The following CAV1 variants were observed in gnomAD, a reference collection of about 807,000 sequenced individuals.
CAV1 encodes the protein caveolin 1, also known as caveolin-1.
Under a neutral mutation model 16.5 loss-of-function variants are expected in CAV1, and 10 were observed. That is an observed-to-expected ratio of 0.61 (90% CI 0.37 to 1.03). The LOEUF (loss-of-function observed/expected upper bound fraction) is 1.03, where lower values mean the gene tolerates loss of function less well. Among genes scored for constraint, CAV1 ranks in the 50% least tolerant of loss-of-function variants. The probability of loss-of-function intolerance (pLI) is 0.01; values close to 1 mark genes in which losing one functional copy is unlikely to be tolerated. For synonymous variants in CAV1, 76 were observed against 85.1 expected, an observed-to-expected ratio of 0.89 and a Z score of 0.59; for missense variants, 212 against 232.8, an observed-to-expected ratio of 0.91 and a Z score of 0.58.
At chr7:116,546,130 C>T (rs1351775597) in intron 2 of CAV1, among the ~76,000 whole-genome samples, 3 of 152,152 alleles carry the variant, frequency 2.0e-5, no homozygotes, top group African/African-American at 4.8e-5. Flanking sequence ...CTTCTGTGGC[C>T]TATTTTTATA....
intron 1 of CAV1, 95 bp from the exon 2 acceptor site, chr7:116,526,430 C>A: frequency 6.3e-7 from 1 of 1,591,898 alleles, no homozygotes; most frequent in South Asian, 1.1e-5. Flanking sequence ...CGCCGCCAGG[C>A]TGACTTCTCA....
chr7:116,534,861 A>G (rs896284094), intron 2 of CAV1, among the ~76,000 whole-genome samples: 14 of 152,294 alleles, frequency 9.2e-5, no homozygotes, highest in African/African-American at 3.1e-4. Flanking sequence ...ATTCTACCTG[A>G]AGAGAGCAAA....
chr7:116,542,117 T>C (rs1420345720), intron 2 of CAV1, among the ~76,000 whole-genome samples: 1 of 152,214 alleles, frequency 6.6e-6, no homozygotes, highest in Non-Finnish European at 1.5e-5. Context: ...AAGGCATGCA[T>C]TGTATATACC....
chr7:116,536,066 G>T (rs980691665), intron 2 of CAV1, among the ~76,000 whole-genome samples: 12 of 152,060 alleles, frequency 7.9e-5, no homozygotes, highest in Non-Finnish European at 1.8e-4. Flanking sequence ...TATGGCAGTG[G>T]GTCATCTCAT....
At chr7:116,536,296 G>GACA (rs879575363) in intron 2 of CAV1, among the ~76,000 whole-genome samples, 5,165 of 152,218 alleles carry the variant, frequency 0.034, 294 homozygotes, top group African/African-American at 0.12. Flanking sequence ...CCATTTATGT[G>GACA]CATGGTGCTT....
intron 2 of CAV1, among the ~76,000 whole-genome samples, chr7:116,550,143 G>A (rs920984630): frequency 6.6e-6 from 1 of 152,116 alleles, no homozygotes; most frequent in African/African-American, 2.4e-5. Context: ...TAGGTTCCAA[G>A]CTGGATGCTC....
intron 2 of CAV1, among the ~76,000 whole-genome samples, chr7:116,543,385 T>C (rs1418515931): frequency 6.6e-6 from 1 of 152,202 alleles, no homozygotes; most frequent in African/African-American, 2.4e-5. Context: ...TAAATCATCT[T>C]TGAAATACTG....
Position 116,559,320 on chromosome 7 carries a change from T to C in CAV1, c.*33T>C. ...TTCAAGGATAGAAGTATACCTGATT[T>C]TTTTTCCTTTTAATTTTCCTGGTGC... On this transcript the variant is annotated 3_prime_UTR_variant, in exon 3 of 3. Transcript: ENST00000341049. 6.5e-7 allele frequency: 1 copy of C among 1,547,548 alleles called. No individual in the cohort carries two copies. Among genetic ancestry groups the C allele is most frequent in the Non-Finnish European group, 8.9e-7 (1 of 1,122,098 alleles).
chr7:116,559,611 G>C lies in CAV1; in HGVS notation c.*324G>C. 2.2e-6 allele frequency: 1 copy of C among 460,620 alleles called. No individual in the cohort carries two copies. Among genetic ancestry groups the C allele is most frequent in the Middle Eastern group, 5.6e-4 (1 of 1,792 alleles). 28.5% of individuals were successfully genotyped at this position (460,620 alleles called of 1,614,324 possible). A position where few individuals can be genotyped will look rare whatever the true frequency, so the allele number is the denominator to read the frequency against. ...TTTGAGAGAAATATGAAGAACTGAG[G>C]AGGAAAAAAAAAAAAAAGAAAAGAA... On this transcript the variant is annotated 3_prime_UTR_variant, in exon 3 of 3. Coordinates refer to ENST00000341049, the MANE Select transcript of CAV1 (RefSeq NM_001753.5).
At chr7:116,554,405 A>T (rs1180331494) in intron 2 of CAV1, among the ~76,000 whole-genome samples, 1 of 152,226 alleles carries the variant, frequency 6.6e-6, no homozygotes, top group African/African-American at 2.4e-5. Flanking sequence ...GCAATGAGAG[A>T]TTTAAAGGAG....
chr7:116,558,986 A>G lies in CAV1; in HGVS notation c.236A>G (p.His79Arg), dbSNP rs376004565. ...GTGATTGCAGAACCAGAAGGGACAC[A>G]CAGTTTTGACGGCATTTGGAAGGCC... ...EDVIAEPEGT[H>R]SFDGIWKASF... Residue 79 changes from histidine to arginine, a missense_variant, in exon 3 of 3, where the codon CAC becomes CGC. Physicochemically the swap from His to Arg is conservative, Grantham distance 29. Coordinates refer to ENST00000341049, the MANE Select transcript of CAV1 (RefSeq NM_001753.5). 2.2e-5 allele frequency: 36 copies of G among 1,613,750 alleles called. No homozygotes were observed. The African/African-American group carries it at 3.7e-4, about 17-fold the overall frequency.
chr7:116,546,054 C>T (rs898818249), intron 2 of CAV1, among the ~76,000 whole-genome samples: 2 of 152,146 alleles, frequency 1.3e-5, no homozygotes, highest in African/African-American at 4.8e-5. Flanking sequence ...ATGAGTGCCC[C>T]GAGTTATCCC....
chr7:116,542,365 A>G (rs10240619), intron 2 of CAV1, among the ~76,000 whole-genome samples: 5,125 of 152,270 alleles, frequency 0.034, 288 homozygotes, highest in African/African-American at 0.11. Flanking sequence ...CCCCAACCCT[A>G]GAAATTCTGA....
At chr7:116,545,203 G>A (rs1473550465) in intron 2 of CAV1, among the ~76,000 whole-genome samples, 3 of 152,156 alleles carry the variant, frequency 2.0e-5, no homozygotes, top group Admixed American at 1.3e-4. Context: ...TAGTTGTCAC[G>A]ATTTGGGGGA....
chr7:116,531,968 A>G lies in CAV1; in HGVS notation c.195+5279A>G, dbSNP rs556237409. On this transcript the variant is annotated intron_variant, in intron 2 of 2. Coordinates refer to ENST00000341049, the MANE Select transcript of CAV1 (RefSeq NM_001753.5). ...GCAGCTATTATTCATTCTTAAGCAT[A>G]TGAAATGCTTTCAGGTTCAACCCAA... Among the ~76,000 whole-genome samples, 5 of 152,354 alleles carry G rather than the reference A, an allele frequency of 3.3e-5. 1 individual carries two copies. The South Asian group carries it at 6.2e-4, about 19-fold the overall frequency.
At chr7:116,556,897 A>G (rs1794305143) in intron 2 of CAV1, among the ~76,000 whole-genome samples, 1 of 152,206 alleles carries the variant, frequency 6.6e-6, no homozygotes, top group Admixed American at 6.5e-5. Context: ...ATCCTCTTAC[A>G]AAACAAAGAC....
At chr7:116,544,198 A>C (rs1793995725) in intron 2 of CAV1, among the ~76,000 whole-genome samples, 1 of 152,182 alleles carries the variant, frequency 6.6e-6, no homozygotes, top group African/African-American at 2.4e-5. Flanking sequence ...TTTTTGCCAA[A>C]ATTATGCCTG....
intron 2 of CAV1, among the ~76,000 whole-genome samples, chr7:116,530,208 C>CTTTTTCTTTTTTTTTT (rs1793657578): frequency 8.0e-6 from 1 of 125,360 alleles, no homozygotes; most frequent in African/African-American, 3.2e-5. Flanking sequence ...GTCCTTTTTC[C>CTTTTTCTTTTTTTTTT]TTTTTTTTTT....
At chr7:116,552,429 G>A (rs1037847832) in intron 2 of CAV1, among the ~76,000 whole-genome samples, 4 of 152,140 alleles carry the variant, frequency 2.6e-5, no homozygotes, top group Admixed American at 6.5e-5. Flanking sequence ...CAACTACTAT[G>A]CAAGCCAACA....
Sources: allele counts gnomAD v4.1 joint callset (sites outside exome capture counted in the v4.1 genomes callset), GRCh38; gene constraint gnomAD v4.1.1; transcripts MANE v1.5; gene names NCBI Gene and HGNC (gene_info 2026-07-23, HGNC 2026-07-21).